Variants in ZNF334 observed in about 807,000 individuals in gnomAD.
ZNF334 encodes the protein zinc finger protein 334.
Under a neutral mutation model 12.4 loss-of-function variants are expected in ZNF334, and 14 were observed. The observed-to-expected ratio is 1.13, with a 90% confidence interval of 0.74 to 1.76. The LOEUF is 1.76. ZNF334 is among the 40% of genes most tolerant of loss of function. ZNF334 has a pLI of 0.00. For missense variants in ZNF334, 797 were observed against 804.5 expected (o/e 0.99, Z 0.11); for synonymous variants, 273 against 269.6 (o/e 1.01, Z -0.12).
At chr20:46,464,389 C>T in the ZNF334 span, 5 of 503,938 alleles carry the variant, frequency 9.9e-6, no homozygotes, top group African/African-American at 9.7e-5. Flanking sequence ...TGTGAATATA[C>T]TTGAGACAGT....
chr20:46,510,374 GACA>G (rs1224490815), intron 2 of ZNF334, among the ~76,000 whole-genome samples: 1 of 151,988 alleles, frequency 6.6e-6, no homozygotes, highest in African/African-American at 2.4e-5. Context: ...ATGTTTATGT[GACA>G]ACATTAGCAA....
the ZNF334 span, chr20:46,492,586 C>CT: frequency 6.6e-6 from 1 of 152,466 alleles, no homozygotes; most frequent in Non-Finnish European, 1.5e-5. Flanking sequence ...AAGCTTTTAG[C>CT]TTAAACTCAA....
chr20:46,504,791 G>A (rs1349346225), intron 2 of ZNF334, 51 bp from the exon 3 acceptor site: 7 of 1,531,122 alleles, frequency 4.6e-6, no homozygotes, highest in Non-Finnish European at 5.3e-6. Flanking sequence ...GATATCAAAT[G>A]TATGGTAACA....
chr20:46,491,003 A>G, the ZNF334 span: 1 of 152,638 alleles, frequency 6.6e-6, no homozygotes, highest in Non-Finnish European at 1.5e-5. Flanking sequence ...ACATCAGAAA[A>G]TCCATAAGGT....
downstream of ZNF334, among the ~76,000 whole-genome samples, chr20:46,495,260 A>C (rs1267238410): frequency 6.6e-6 from 1 of 151,804 alleles, no homozygotes; most frequent in Admixed American, 6.6e-5. Flanking sequence ...ATCCCTCCCT[A>C]AAGGTATGTT....
At position 46,499,873 on chromosome 20, in the gene ZNF334, A is replaced by C. The variant is rs1252224131; in HGVS notation, c.*1423T>G. ...GACATAAAAACTGAATAAATAGATA[A>C]ATCATGTTCATATTGGGTTCTCTGA... is the stretch of plus-strand genomic sequence containing the variant. On this transcript the variant is annotated 3_prime_UTR_variant, in exon 5 of 5. Transcript: ENST00000692313. 2 of 152,214 alleles carry C rather than the reference A, an allele frequency of 1.3e-5. No individual in the cohort carries two copies. The highest frequency in any genetic ancestry group is 2.9e-5 in the Non-Finnish European group (2 of 68,032). The allele number at this position is 152,214 out of a possible 1,614,324, so 9.4% of individuals were successfully genotyped here.
chr20:46,463,033 G>C, the ZNF334 span, among the ~76,000 whole-genome samples: 2 of 152,184 alleles, frequency 1.3e-5, no homozygotes, highest in Non-Finnish European at 2.9e-5. Flanking sequence ...GATCAGCTGA[G>C]GTCAGGAGTT....
rs117126676 is a variant in ZNF334 at position 46,511,154 on chromosome 20, G to A, written c.21+928C>T. ...CAGCTGTAATCAGTGCACTTTGGGA[G>A]GCCAAGGTGGGAGGATCACTTGAAC... is the stretch of plus-strand genomic sequence containing the variant. On this transcript the variant is annotated intron_variant, in intron 2 of 4. Transcript: ENST00000692313. 0.011 allele frequency among the ~76,000 whole-genome samples: 1,597 copies of A among 151,886 alleles called. 47 individuals are homozygous for A. The East Asian group carries it at 0.12, about 11-fold the overall frequency.
the ZNF334 span, among the ~76,000 whole-genome samples, chr20:46,470,423 C>T: frequency 1.3e-5 from 2 of 152,316 alleles, no homozygotes; most frequent in South Asian, 4.1e-4. Flanking sequence ...AAGGAAACTA[C>T]CCTGAGATGT....
intron 2 of ZNF334, among the ~76,000 whole-genome samples, chr20:46,511,567 A>C (rs1207003565): frequency 6.6e-6 from 1 of 152,172 alleles, no homozygotes; most frequent in Admixed American, 6.5e-5. Context: ...AGCTGAAATA[A>C]AGTTATGGGG....
Position 46,502,666 on chromosome 20 carries a change from T to C in ZNF334, c.673A>G (p.Ile225Val). The C allele has an allele frequency of 6.2e-7, 1 of 1,612,776 alleles. No homozygotes were observed. Among genetic ancestry groups the C allele is most frequent in the Non-Finnish European group, 8.5e-7 (1 of 1,180,000 alleles). The part of the protein sequence containing the change: ...GKTFFKRAIL[I>V]TQKGRQTERK... ...TCAGTCTGTCTCCCCTTTTGTGTAA[T>C]GAGAATTGCCCTCTTGAAGAAGGTT... Residue 225 changes from isoleucine to valine, a missense_variant, in exon 5 of 5, where the codon ATT becomes GTT. Coordinates refer to ENST00000692313, the MANE Select transcript of ZNF334 (RefSeq NM_001353824.2).
the ZNF334 span, among the ~76,000 whole-genome samples, chr20:46,479,757 G>A: frequency 6.6e-6 from 1 of 152,064 alleles, no homozygotes; most frequent in Non-Finnish European, 1.5e-5. Flanking sequence ...CACCTTTAAG[G>A]TATGAAAAGA....
chr20:46,480,730 A>T, the ZNF334 span, among the ~76,000 whole-genome samples: 3 of 152,148 alleles, frequency 2.0e-5, no homozygotes, highest in Non-Finnish European at 2.9e-5. Flanking sequence ...GGGTGTGATG[A>T]TCTAAGTTCC....
chr20:46,490,153 T>A, the ZNF334 span, among the ~76,000 whole-genome samples: 1 of 152,212 alleles, frequency 6.6e-6, no homozygotes, highest in Admixed American at 6.5e-5. Flanking sequence ...GCAGTGCATG[T>A]ATATACCAAA....
chr20:46,464,088 G>A, the ZNF334 span: 2 of 612,628 alleles, frequency 3.3e-6, no homozygotes. Flanking sequence ...CCGAGAAGTG[G>A]TTCCTTCACT....
At chr20:46,464,985 CG>C in the ZNF334 span, 1 of 443,598 alleles carries the variant, frequency 2.3e-6, no homozygotes, top group African/African-American at 2.0e-5. Flanking sequence ...ACATCTGCAG[CG>C]GCCTCCATAA....
In ZNF334 at chr20:46,501,241, A is replaced by C; in HGVS notation, c.*55T>G. 6.4e-6 allele frequency: 10 copies of C among 1,563,016 alleles called. No individual in the cohort carries two copies. The highest frequency in any genetic ancestry group is 7.8e-6 in the Non-Finnish European group (9 of 1,156,742). ...CCTCTATACATACTCACAGTTTAGC[A>C]TTGTGTAAGTTATTTGATTTGTTGC... On this transcript the variant is annotated 3_prime_UTR_variant, in exon 5 of 5. Coordinates refer to ENST00000692313, the MANE Select transcript of ZNF334 (RefSeq NM_001353824.2).
chr20:46,503,066 T>C lies in ZNF334; in HGVS notation c.273A>G (p.Glu91=), dbSNP rs147605284. The change falls in exon 5 of 5, where the codon GAA becomes GAG. Residue 91 remains glutamate, a synonymous_variant. Transcript: ENST00000692313. ...TTTGTGTCAAATGTTTATCTTGGAT[T>C]TCCTTGTTCTTCTCTAAGGCATCAT... The part of the protein sequence containing the change: ...DIDDALEKNK[E]IQDKHLTQTV... 979 of 1,607,802 alleles carry C rather than the reference T, an allele frequency of 6.1e-4. No individual in the cohort carries two copies. Among genetic ancestry groups the C allele is most frequent in the Non-Finnish European group, 7.9e-4 (930 of 1,176,904 alleles).
At chr20:46,485,597 C>CTG in the ZNF334 span, 21 of 152,022 alleles carry the variant, frequency 1.4e-4, no homozygotes, top group African/African-American at 3.6e-4. Flanking sequence ...TAAGATGATC[C>CTG]AGAGATTTCA....
Sources: gnomAD v4.1 joint callset for allele counts (sites outside exome capture counted in the v4.1 genomes callset) on GRCh38, gnomAD v4.1.1 for gene constraint, MANE v1.5 for transcripts, NCBI Gene and HGNC (gene_info 2026-07-23, HGNC 2026-07-21) for gene names.